AGBL4: variants seen among roughly 807,000 people sequenced by gnomAD.
The protein encoded by AGBL4 is cytosolic carboxypeptidase 6.
In AGBL4, 58 loss-of-function variants were observed where a neutral mutation model predicts 66.4. The observed-to-expected ratio is 0.87, with a 90% CI of 0.71 to 1.09. The LOEUF is 1.09. AGBL4 is among the 50% of genes least tolerant of loss of function. The pLI, the probability that AGBL4 is intolerant of heterozygous loss-of-function variation, is 0.00. For missense variants in AGBL4, 579 were observed against 631.0 expected, an observed-to-expected ratio of 0.92 and a Z score of 0.88; for synonymous variants, 234 against 222.9, an observed-to-expected ratio of 1.05 and a Z score of -0.44.
intron 2 of AGBL4, among the ~76,000 whole-genome samples, chr1:49,783,475 C>A (rs890706687): frequency 1.3e-5 from 2 of 152,098 alleles, no homozygotes; most frequent in African/African-American, 4.8e-5. Context: ...ACCCCCTCAA[C>A]AAACTAGGAA....
At chr1:49,330,383 T>C (rs1374733680) in intron 3 of AGBL4, among the ~76,000 whole-genome samples, 1 of 152,146 alleles carries the variant, frequency 6.6e-6, no homozygotes, top group Non-Finnish European at 1.5e-5. Context: ...CGCTCCACTC[T>C]GCACAAGTCT....
At chr1:49,970,989 A>G (rs563438659) in intron 1 of AGBL4, among the ~76,000 whole-genome samples, 1 of 152,298 alleles carries the variant, frequency 6.6e-6, no homozygotes, top group East Asian at 1.9e-4. Flanking sequence ...GTCCTGATAC[A>G]AAGTAGGCAA....
chr1:48,626,173 C>G (rs1162403031), intron 9 of AGBL4, among the ~76,000 whole-genome samples: 1 of 152,218 alleles, frequency 6.6e-6, no homozygotes, highest in Non-Finnish European at 1.5e-5. Flanking sequence ...ACCCATGGTG[C>G]TGGTGTGGGT....
intron 3 of AGBL4, among the ~76,000 whole-genome samples, chr1:49,548,666 A>C (rs575954532): frequency 6.6e-6 from 1 of 152,214 alleles, no homozygotes; most frequent in South Asian, 2.1e-4. Flanking sequence ...TATGTTGTTG[A>C]ATTTGATTAG....
chr1:49,111,657 T>C (rs529036505), intron 4 of AGBL4, among the ~76,000 whole-genome samples: 2 of 152,344 alleles, frequency 1.3e-5, no homozygotes, highest in African/African-American at 4.8e-5. Context: ...TTAAATTATA[T>C]ATGTATTTCA....
At chr1:49,293,769 T>G (rs1557813988) in intron 3 of AGBL4, among the ~76,000 whole-genome samples, 1 of 152,168 alleles carries the variant, frequency 6.6e-6, no homozygotes, top group Non-Finnish European at 1.5e-5. Context: ...GTCAACAGCT[T>G]AAGGGAGAAA....
chr1:49,557,266 A>G (rs1027745638), intron 3 of AGBL4, among the ~76,000 whole-genome samples: 3 of 152,162 alleles, frequency 2.0e-5, no homozygotes, highest in Non-Finnish European at 4.4e-5. Flanking sequence ...CACCTCTCAC[A>G]AGGACACCAA....
chr1:48,639,445 T>A (rs1395900251), intron 8 of AGBL4, among the ~76,000 whole-genome samples: 1 of 152,152 alleles, frequency 6.6e-6, no homozygotes, highest in Non-Finnish European at 1.5e-5. Context: ...GACTTATTTG[T>A]AAAATGGAAT....
intron 4 of AGBL4, among the ~76,000 whole-genome samples, chr1:49,239,134 T>C (rs1651018361): frequency 6.6e-6 from 1 of 152,148 alleles, no homozygotes; most frequent in Non-Finnish European, 1.5e-5. Context: ...TACATTAATG[T>C]CAATACTCTT....
chr1:49,932,930 C>G (rs545221311), intron 1 of AGBL4, among the ~76,000 whole-genome samples: 1 of 151,968 alleles, frequency 6.6e-6, no homozygotes, highest in East Asian at 1.9e-4. Context: ...GAAACACAGG[C>G]GGGAAAACCT....
intron 5 of AGBL4, among the ~76,000 whole-genome samples, chr1:49,014,518 T>C (rs1662671370): frequency 6.6e-6 from 1 of 152,252 alleles, no homozygotes; most frequent in Non-Finnish European, 1.5e-5. Flanking sequence ...TTTCGTTCAC[T>C]GCTGAATTCC....
At chr1:49,850,229 C>T (rs113264061) in intron 2 of AGBL4, among the ~76,000 whole-genome samples, 154 of 152,212 alleles carry the variant, frequency 1.0e-3, no homozygotes, top group Middle Eastern at 3.4e-3. Flanking sequence ...TATAGACATA[C>T]AGGGAGAACA....
At chr1:49,754,498 T>G (rs1651737353) in intron 2 of AGBL4, among the ~76,000 whole-genome samples, 1 of 152,152 alleles carries the variant, frequency 6.6e-6, no homozygotes, top group South Asian at 2.1e-4. Flanking sequence ...CAGGCCCTGT[T>G]TGCCTGGATG....
intron 2 of AGBL4, among the ~76,000 whole-genome samples, chr1:49,759,952 G>A (rs1333016810): frequency 1.3e-5 from 2 of 152,158 alleles, no homozygotes; most frequent in African/African-American, 4.8e-5. Context: ...CAAAGGCTGG[G>A]GTAAATAAGA....
chr1:49,379,789 T>A (rs1246454430), intron 3 of AGBL4, among the ~76,000 whole-genome samples: 6 of 152,106 alleles, frequency 3.9e-5, no homozygotes, highest in African/African-American at 9.7e-5. Context: ...GCCAGTATTT[T>A]ATTGAGGATT....
chr1:49,046,913 T>C (rs954852497), intron 4 of AGBL4, among the ~76,000 whole-genome samples: 2 of 152,082 alleles, frequency 1.3e-5, no homozygotes, highest in African/African-American at 2.4e-5. Context: ...TGGCATTCAA[T>C]TGAGAAGCCA....
At chr1:49,150,848 T>C (rs1162661869) in intron 4 of AGBL4, among the ~76,000 whole-genome samples, 1 of 152,166 alleles carries the variant, frequency 6.6e-6, no homozygotes, top group Non-Finnish European at 1.5e-5. Context: ...TGTTTGCCTC[T>C]TTCCTATCAG....
At chr1:48,997,134 G>C (rs1055912219) in intron 5 of AGBL4, among the ~76,000 whole-genome samples, 7 of 152,116 alleles carry the variant, frequency 4.6e-5, no homozygotes, top group African/African-American at 1.7e-4. Flanking sequence ...TGTTGGCCAG[G>C]CTGGTCTTGA....
chr1:48,874,889 C>T (rs1488526827), intron 5 of AGBL4, among the ~76,000 whole-genome samples: 1 of 152,194 alleles, frequency 6.6e-6, no homozygotes, highest in Non-Finnish European at 1.5e-5. Flanking sequence ...ACCTTACCTG[C>T]TTCCAACCTT....
Sources: gnomAD v4.1 joint callset for allele counts (sites outside exome capture counted in the v4.1 genomes callset) on GRCh38, gnomAD v4.1.1 for gene constraint, MANE v1.5 for transcripts, NCBI Gene and HGNC (gene_info 2026-07-23, HGNC 2026-07-21) for gene names.